Variants in RNF121 observed in about 807,000 individuals in gnomAD.
The protein encoded by RNF121 is E3 ubiquitin ligase RNF121.
A neutral mutation model predicts 46.5 loss-of-function variants in RNF121; 21 were observed. The observed-to-expected ratio is 0.45, with a 90% CI of 0.32 to 0.65. The LOEUF is 0.65. Among genes scored for constraint, RNF121 ranks in the 30% least tolerant of loss-of-function variants. The probability of loss-of-function intolerance (pLI) is 0.04; values close to 1 mark genes in which losing one functional copy is unlikely to be tolerated. For synonymous variants in RNF121, 139 were observed against 144.7 expected, an observed-to-expected ratio of 0.96 and a Z score of 0.28; for missense variants, 346 against 416.0, an observed-to-expected ratio of 0.83 and a Z score of 1.46.
chr11:71,963,868 T>C (rs567107014), intron 3 of RNF121, among the ~76,000 whole-genome samples: 1 of 152,250 alleles, frequency 6.6e-6, no homozygotes, highest in South Asian at 2.1e-4. Context: ...ATTCCGTTGA[T>C]CTATATGTCT....
intron 8 of RNF121, 41 bp from the exon 9 acceptor site, chr11:71,996,154 C>T: frequency 6.2e-7 from 1 of 1,611,098 alleles, no homozygotes; most frequent in South Asian, 1.1e-5. Flanking sequence ...TCACTCCTGG[C>T]AGCTCTTGCA....
At position 71,997,583 on chromosome 11, in the gene RNF121, G is replaced by C. The variant is rs1955015812; in HGVS notation, c.*1268G>C. ...CGTCTGAATAAAGCTCCATGAGCTG[G>C]GTTGGAAAGCTGAACATTTATCTTG... On this transcript the variant is annotated 3_prime_UTR_variant, in exon 9 of 9. Transcript: ENST00000361756. 1 of 152,190 alleles carries C rather than the reference G, an allele frequency of 6.6e-6. No individual in the cohort carries two copies. Among genetic ancestry groups the C allele is most frequent in the Non-Finnish European group, 1.5e-5 (1 of 68,026 alleles). The allele number at this position is 152,190 out of a possible 1,614,324, so 9.4% of individuals were successfully genotyped here. A position where few individuals can be genotyped will look rare whatever the true frequency, so the allele number is the denominator to read the frequency against.
chr11:71,934,691 G>A (rs1218037098), intron 1 of RNF121, among the ~76,000 whole-genome samples: 2 of 152,020 alleles, frequency 1.3e-5, no homozygotes, highest in African/African-American at 4.8e-5. Flanking sequence ...ATTTTTTTTA[G>A]GCATGTAAAA....
chr11:71,950,046 A>AT (rs1263630548), intron 1 of RNF121, among the ~76,000 whole-genome samples: 3 of 151,960 alleles, frequency 2.0e-5, no homozygotes, highest in Non-Finnish European at 2.9e-5. Context: ...ACTCGCACAA[A>AT]AAACCCAAAA....
chr11:71,938,946 C>T (rs1446590892), intron 1 of RNF121: 1 of 152,458 alleles, frequency 6.6e-6, no homozygotes, highest in Non-Finnish European at 1.5e-5. Context: ...GCTCTGTCGC[C>T]CAGGCTGGAG....
At chr11:71,952,253 C>T (rs138742389) in intron 1 of RNF121, among the ~76,000 whole-genome samples, 4 of 152,280 alleles carry the variant, frequency 2.6e-5, no homozygotes, top group Non-Finnish European at 5.9e-5. Context: ...TTTATATGAA[C>T]TGTCTAGAAT....
At chr11:71,957,928 C>A (rs576230666) in intron 2 of RNF121, among the ~76,000 whole-genome samples, 2 of 152,200 alleles carry the variant, frequency 1.3e-5, no homozygotes, top group South Asian at 2.1e-4. Context: ...TGAGAAAAAA[C>A]CTATTGATTT....
At chr11:71,970,745 G>T (rs1325000949) in intron 3 of RNF121, among the ~76,000 whole-genome samples, 1 of 152,170 alleles carries the variant, frequency 6.6e-6, no homozygotes, top group African/African-American at 2.4e-5. Context: ...ATTAACCAAA[G>T]AATTTGAATA....
intron 3 of RNF121, 150 bp downstream of exon 3, chr11:71,961,041 C>T (rs1954119370): frequency 5.8e-6 from 5 of 861,512 alleles, no homozygotes; most frequent in Non-Finnish European, 5.3e-6. Context: ...AGTGTATTGG[C>T]GAGTGTGTGT....
chr11:71,968,347 A>G (rs1413009330), intron 3 of RNF121, among the ~76,000 whole-genome samples: 1 of 152,232 alleles, frequency 6.6e-6, no homozygotes, highest in African/African-American at 2.4e-5. Context: ...GGTGTGAGCC[A>G]CTGCCCCCAG....
At chr11:71,949,532 T>C (rs1247846478) in intron 1 of RNF121, among the ~76,000 whole-genome samples, 1 of 151,570 alleles carries the variant, frequency 6.6e-6, no homozygotes, top group Admixed American at 6.6e-5. Context: ...CTGGCCAACA[T>C]GGTGAAAACC....
chr11:71,948,197 C>T (rs959763184), intron 1 of RNF121, among the ~76,000 whole-genome samples: 1 of 152,108 alleles, frequency 6.6e-6, no homozygotes, highest in Admixed American at 6.6e-5. Flanking sequence ...AACTTAGTTG[C>T]TCCCAAATTT....
intron 3 of RNF121, among the ~76,000 whole-genome samples, chr11:71,977,063 C>T (rs1954541013): frequency 6.6e-6 from 1 of 152,180 alleles, no homozygotes; most frequent in African/African-American, 2.4e-5. Flanking sequence ...TCCCAGAAAC[C>T]TACCTCCAGT....
intron 5 of RNF121, 59 bp downstream of exon 5, chr11:71,987,170 T>C: frequency 1.8e-6 from 2 of 1,081,142 alleles, no homozygotes; most frequent in Non-Finnish European, 2.9e-6. Context: ...TGTTGAGATG[T>C]ACCTCTTGTT....
At chr11:71,935,938 C>T (rs1018171443) in intron 1 of RNF121, among the ~76,000 whole-genome samples, 1 of 148,772 alleles carries the variant, frequency 6.7e-6, no homozygotes, top group East Asian at 2.0e-4. Context: ...GCCTCCGCCT[C>T]CTGGGTTCAA....
intron 2 of RNF121, 35 bp downstream of exon 2, chr11:71,957,299 A>C: frequency 1.5e-6 from 2 of 1,375,958 alleles, no homozygotes; most frequent in Non-Finnish European, 2.0e-6. Flanking sequence ...CAGTCTAGGA[A>C]CTGCAGGTTA....
rs374753695 is a variant in RNF121 at position 71,982,905 on chromosome 11, A to G, written c.388A>G (p.Thr130Ala). Residue 130 changes from threonine to alanine, a missense_variant, in exon 4 of 9, where the codon ACA (threonine) becomes GCA (alanine). Transcript: ENST00000361756. ...AGCCACCCGAAAACCTCTAGTACAG[A>G]CAACCCCAAGGTGAGAGTTTAAGTA... ...FRATRKPLVQ[T>A]TPRLVYKWFL... 1.9e-6 allele frequency: 3 copies of G among 1,608,044 alleles called. No homozygotes were observed. Among genetic ancestry groups the G allele is most frequent in the Non-Finnish European group, 2.5e-6 (3 of 1,177,440 alleles).
rs1206333722 is a variant in RNF121, at chr11:71,986,998, C to G, written c.399-6C>G. On this transcript the variant is annotated splice_region_variant and splice_polypyrimidine_tract_variant and intron_variant, in intron 4 of 8. Transcript: ENST00000361756. ...CAGCTGCACTAACCTTCTCTCCTTTCCCCAGGTTGGTTTATAAGTGGTTCC... is the reference window on the plus strand; with the variant it reads ...CAGCTGCACTAACCTTCTCTCCTTTGCCCAGGTTGGTTTATAAGTGGTTCC... The G allele has an allele frequency of 6.4e-7, 1 of 1,563,140 alleles. No individual in the cohort carries two copies. The highest frequency in any genetic ancestry group is 8.8e-7 in the Non-Finnish European group (1 of 1,133,726).
chr11:71,988,561 T>C (rs1954809560), intron 5 of RNF121, among the ~76,000 whole-genome samples: 1 of 151,158 alleles, frequency 6.6e-6, no homozygotes, highest in African/African-American at 2.4e-5. Flanking sequence ...CCCAGCTATT[T>C]GGAAGGCTGA....
Sources: gnomAD v4.1 joint callset for allele counts (sites outside exome capture counted in the v4.1 genomes callset) on GRCh38, gnomAD v4.1.1 for gene constraint, MANE v1.5 for transcripts, NCBI Gene and HGNC (gene_info 2026-07-23, HGNC 2026-07-21) for gene names.